EPB41: variants seen among roughly 807,000 people sequenced by gnomAD.
EPB41 encodes the protein protein 4.1.
A neutral mutation model predicts 108.0 loss-of-function variants in EPB41; 65 were observed. That is an observed-to-expected ratio of 0.60 (90% CI 0.49 to 0.74). The LOEUF is 0.74. EPB41 is among the 30% of genes least tolerant of loss of function. The pLI, the probability that EPB41 is intolerant of heterozygous loss-of-function variation, is 0.00. For missense variants in EPB41, 875 were observed against 1,037.0 expected (o/e 0.84, Z 2.15); for synonymous variants, 336 against 358.9 (o/e 0.94, Z 0.72).
At chr1:29,030,938 T>C (rs1294381233) in intron 8 of EPB41, among the ~76,000 whole-genome samples, 1 of 151,940 alleles carries the variant, frequency 6.6e-6, no homozygotes, top group Non-Finnish European at 1.5e-5. Context: ...TTCTCCTGCC[T>C]CAGCCTCCTG....
chr1:28,990,664 C>T (rs2095997261), intron 2 of EPB41, among the ~76,000 whole-genome samples: 1 of 152,068 alleles, frequency 6.6e-6, no homozygotes, highest in Admixed American at 6.6e-5. Context: ...AGCAATCCTT[C>T]TGCCTCAGCC....
intron 1 of EPB41, among the ~76,000 whole-genome samples, chr1:28,926,573 TC>T (rs1366567953): frequency 1.3e-5 from 2 of 152,244 alleles, no homozygotes; most frequent in Non-Finnish European, 2.9e-5. Flanking sequence ...GCCAATGATT[TC>T]TTACTAATTG....
chr1:28,887,439 G>A lies in EPB41; in HGVS notation c.-8+229G>A, dbSNP rs2089545106. ...GTGCAGGGAGGGGCGTGGGAGTCTG[G>A]AGAGGGGGTCCGGGAGCTCGGATCC... On this transcript the variant is annotated intron_variant, in intron 1 of 16. Coordinates refer to the EPB41 transcript ENST00000347529. The surrounding 1 kb of genome is among the most constrained non-coding windows in gnomAD (Gnocchi z 4.9). 1.0e-6 allele frequency: 1 copy of A among 985,376 alleles called. No individual in the cohort carries two copies. The highest frequency in any genetic ancestry group is 1.2e-6 in the Non-Finnish European group (1 of 829,916). The allele number at this position is 985,376 out of a possible 1,614,324, so 61.0% of individuals were successfully genotyped here. A position where few individuals can be genotyped will look rare whatever the true frequency, so the allele number is the denominator to read the frequency against.
intron 16 of EPB41, among the ~76,000 whole-genome samples, chr1:29,082,015 C>T (rs1489256706): frequency 6.6e-6 from 1 of 152,162 alleles, no homozygotes; most frequent in African/African-American, 2.4e-5. Context: ...TACGATTTCT[C>T]AAGAAGATAA....
intron 1 of EPB41, among the ~76,000 whole-genome samples, chr1:28,908,819 T>A (rs203277): frequency 0.78 from 118,617 of 151,894 alleles, 46,924 homozygotes; most frequent in East Asian, 0.92. Context: ...GCTTGCTAGC[T>A]TTGTTAAAAA....
chr1:29,016,016 CTTATCATGGATA>C (rs2150024526), intron 6 of EPB41, among the ~76,000 whole-genome samples: 1 of 152,320 alleles, frequency 6.6e-6, no homozygotes, highest in Admixed American at 6.5e-5. Context: ...ACTGGCCTTG[CTTATCATGGATA>C]TTATGCCAAG....
rs147892306 is a variant in EPB41, at chr1:28,974,242, G to A, written c.-7-13189G>A. ...TCTGGATAGAGAATCAAATCCAGGAGGTCAGAGACTAAGTTTGTCTTTCTT... is the reference window on the plus strand; with the variant it reads ...TCTGGATAGAGAATCAAATCCAGGAAGTCAGAGACTAAGTTTGTCTTTCTT... On this transcript the variant is annotated intron_variant, in intron 1 of 20. Transcript: ENST00000343067. Among the ~76,000 whole-genome samples, 279 of 152,308 alleles carry A rather than the reference G, an allele frequency of 1.8e-3. 2 individuals are homozygous for A. In the Middle Eastern group the frequency reaches 0.02, roughly 11 times the overall value.
At chr1:28,959,752 G>A (rs1222129125) in intron 1 of EPB41, among the ~76,000 whole-genome samples, 1 of 152,154 alleles carries the variant, frequency 6.6e-6, no homozygotes, top group Non-Finnish European at 1.5e-5. Flanking sequence ...TTAACAAAAA[G>A]GGGAATAGAA....
intron 4 of EPB41, among the ~76,000 whole-genome samples, chr1:29,005,603 C>T (rs1437476441): frequency 6.6e-6 from 1 of 152,220 alleles, no homozygotes; most frequent in Non-Finnish European, 1.5e-5. Context: ...TCTCTTTCCT[C>T]ATGGAGCTCC....
chr1:29,106,524 C>T (rs971212261), intron 17 of EPB41, among the ~76,000 whole-genome samples: 8 of 144,418 alleles, frequency 5.5e-5, no homozygotes, highest in African/African-American at 2.1e-4. Flanking sequence ...GTGGCGCAAT[C>T]TCAACTCACT....
At chr1:28,913,367 G>A (rs924930127), upstream of EPB41, among the ~76,000 whole-genome samples, 4 of 152,156 alleles carry the variant, frequency 2.6e-5, 1 homozygote, top group Non-Finnish European at 5.9e-5. Context: ...GAACCCGGGA[G>A]GCAGAGGTTG....
intron 1 of EPB41, among the ~76,000 whole-genome samples, chr1:28,923,456 T>C (rs1316864819): frequency 1.3e-5 from 2 of 152,198 alleles, no homozygotes; most frequent in Non-Finnish European, 2.9e-5. Context: ...ACCTTTGAAT[T>C]TTTATTATTT....
At chr1:29,111,033 G>A (rs763170020) in intron 18 of EPB41, among the ~76,000 whole-genome samples, 2 of 152,116 alleles carry the variant, frequency 1.3e-5, no homozygotes, top group Non-Finnish European at 2.9e-5. Context: ...CGAGCATGGT[G>A]GCACACGCCT....
chr1:29,055,930 C>CAAAAAA (rs35702090), intron 12 of EPB41, among the ~76,000 whole-genome samples: 9 of 59,384 alleles, frequency 1.5e-4, no homozygotes, highest in South Asian at 6.9e-4. Context: ...AAGACTGTCT[C>CAAAAAA]AAAAAAAAAA....
intron 14 of EPB41, 129 bp downstream of exon 14, chr1:29,058,981 A>G (rs1646036569): frequency 4.5e-6 from 4 of 890,788 alleles, no homozygotes; most frequent in Admixed American, 4.6e-5. Context: ...ATAGTTTCAA[A>G]TAATGGATAT....
chr1:28,980,253 G>A (rs2095705982), intron 1 of EPB41, among the ~76,000 whole-genome samples: 1 of 152,136 alleles, frequency 6.6e-6, no homozygotes, highest in Non-Finnish European at 1.5e-5. Flanking sequence ...TAGAAGGATG[G>A]TTTGAGCCGG....
chr1:28,978,334 TA>T (rs1375736384), intron 1 of EPB41, among the ~76,000 whole-genome samples: 1 of 151,554 alleles, frequency 6.6e-6, no homozygotes, highest in Non-Finnish European at 1.5e-5. Flanking sequence ...TCCGAAATGT[TA>T]AAATCCTGAA....
At chr1:28,944,593 G>A (rs1478965567) in intron 1 of EPB41, among the ~76,000 whole-genome samples, 1 of 133,728 alleles carries the variant, frequency 7.5e-6, no homozygotes, top group Non-Finnish European at 1.5e-5. Context: ...CTGGAATGCA[G>A]TGGTGCCATC....
At chr1:29,001,259 G>A (rs1257412377) in intron 4 of EPB41, among the ~76,000 whole-genome samples, 2 of 152,182 alleles carry the variant, frequency 1.3e-5, no homozygotes, top group Non-Finnish European at 2.9e-5. Flanking sequence ...GAACCCAGGA[G>A]GCAGAGGTCG....
Sources: gnomAD v4.1 joint callset for allele counts (sites outside exome capture counted in the v4.1 genomes callset) on GRCh38, gnomAD v4.1.1 for gene constraint, Gnocchi (gnomAD v3.1) non-coding constraint, MANE v1.5 for transcripts, NCBI Gene and HGNC (gene_info 2026-07-23, HGNC 2026-07-21) for gene names.